Variants in NPLOC4 observed in about 807,000 individuals in gnomAD.
NPLOC4 encodes the protein nuclear protein localization protein 4 homolog.
A neutral mutation model predicts 80.6 loss-of-function variants in NPLOC4; 18 were observed. That is an observed-to-expected ratio of 0.22 (90% CI 0.15 to 0.33). The LOEUF is 0.33. Ranked by LOEUF, NPLOC4 falls within the 10% of genes least tolerant of loss-of-function variation. NPLOC4 has a pLI of 1.00. For missense variants in NPLOC4, 540 were observed against 786.1 expected, an observed-to-expected ratio of 0.69 and a Z score of 3.74; for synonymous variants, 313 against 301.5, an observed-to-expected ratio of 1.04 and a Z score of -0.39.
intron 2 of NPLOC4, among the ~76,000 whole-genome samples, chr17:81,629,487 C>G (rs1029081106): frequency 1.3e-5 from 2 of 152,120 alleles, no homozygotes; most frequent in African/African-American, 4.8e-5. Context: ...CACGCCCAGC[C>G]GTGAAATATT....
At chr17:81,622,349 G>C in intron 2 of NPLOC4, 71 bp from the exon 3 acceptor site, 1 of 1,055,110 alleles carries the variant, frequency 9.5e-7, no homozygotes, top group Non-Finnish European at 1.5e-6. Flanking sequence ...ATACACACCA[G>C]ACACTACTAG....
chr17:81,566,715 C>A (rs1183519473), intron 15 of NPLOC4: 1 of 152,336 alleles, frequency 6.6e-6, no homozygotes, highest in East Asian at 1.9e-4. Context: ...CTGTCTCCTT[C>A]AGGGAAAAGT....
chr17:81,571,985 A>C (rs2034172182), intron 13 of NPLOC4, 32 bp downstream of exon 13: 1 of 1,543,254 alleles, frequency 6.5e-7, no homozygotes, highest in Admixed American at 1.8e-5. Context: ...CAATGGGTCC[A>C]CCTGCCCAAG....
intron 4 of NPLOC4, 51 bp from the exon 5 acceptor site, chr17:81,610,309 TCCG>T: frequency 6.6e-7 from 1 of 1,519,576 alleles, no homozygotes; most frequent in Non-Finnish European, 8.9e-7. Context: ...ATGTCTGTGT[TCCG>T]CTGCTGCTGT....
intron 6 of NPLOC4, among the ~76,000 whole-genome samples, chr17:81,608,041 G>T (rs1244833507): frequency 6.6e-6 from 1 of 152,178 alleles, no homozygotes; most frequent in African/African-American, 2.4e-5. Context: ...TGGCTTAAAA[G>T]AAATCAAAAT....
rs529036016 is a variant in NPLOC4 at position 81,599,303 on chromosome 17, T to C, written c.921+1038A>G. On this transcript the variant is annotated intron_variant, in intron 9 of 16. Transcript: ENST00000331134. ...GACTCCTCAAAAAAAAAAAATAAAA[T>C]AAAATAAAAAGAGAAACTTGTGTCT... is the stretch of plus-strand genomic sequence containing the variant. Among the ~76,000 whole-genome samples the C allele has an allele frequency of 2.6e-5, 4 of 151,696 alleles. No homozygotes were observed. The South Asian group carries it at 6.3e-4, about 24-fold the overall frequency.
At chr17:81,585,948 C>T (rs1478486674) in intron 12 of NPLOC4, among the ~76,000 whole-genome samples, 1 of 152,164 alleles carries the variant, frequency 6.6e-6, no homozygotes, top group African/African-American at 2.4e-5. Context: ...GAGATCACGC[C>T]ACTGCACTCC....
chr17:81,600,000 A>G (rs896643845), intron 9 of NPLOC4, among the ~76,000 whole-genome samples: 1 of 152,160 alleles, frequency 6.6e-6, no homozygotes, highest in Non-Finnish European at 1.5e-5. Flanking sequence ...TGCACAGAGG[A>G]GCCAGCAGGG....
At chr17:81,591,505 G>A (rs1598642222) in intron 11 of NPLOC4, among the ~76,000 whole-genome samples, 1 of 135,774 alleles carries the variant, frequency 7.4e-6, no homozygotes, top group African/African-American at 2.7e-5. Flanking sequence ...TCATTAACAC[G>A]ATAGGTCATT....
At chr17:81,565,731 G>A (rs2033990992) in intron 15 of NPLOC4, 124 bp from the exon 16 acceptor site, 4 of 705,708 alleles carry the variant, frequency 5.7e-6, no homozygotes, top group Admixed American at 3.2e-5. Flanking sequence ...AAATCTTACA[G>A]GCTATCACTA....
intron 11 of NPLOC4, 60 bp from the exon 12 acceptor site, chr17:81,589,164 C>G: frequency 7.1e-7 from 1 of 1,417,056 alleles, no homozygotes; most frequent in Admixed American, 2.1e-5. Context: ...CAGTCCATAT[C>G]TGTTAACTCT....
intron 12 of NPLOC4, among the ~76,000 whole-genome samples, chr17:81,582,184 C>T (rs560423504): frequency 1.5e-4 from 23 of 152,346 alleles, no homozygotes; most frequent in African/African-American, 4.6e-4. Context: ...TGAGGCCCAG[C>T]GGTTGTCCTG....
chr17:81,636,102 A>G (rs1267239964), intron 1 of NPLOC4, among the ~76,000 whole-genome samples: 1 of 151,730 alleles, frequency 6.6e-6, no homozygotes, highest in Non-Finnish European at 1.5e-5. Flanking sequence ...CCTCCCAAGT[A>G]TCTGGGATTA....
intron 8 of NPLOC4, among the ~76,000 whole-genome samples, chr17:81,602,207 G>T (rs566183508): frequency 6.6e-6 from 1 of 152,016 alleles, no homozygotes; most frequent in Admixed American, 6.6e-5. Context: ...GCTCAGGAGC[G>T]AGACCTTGTT....
At chr17:81,598,172 A>C (rs985944671) in intron 9 of NPLOC4, among the ~76,000 whole-genome samples, 1 of 152,010 alleles carries the variant, frequency 6.6e-6, no homozygotes, top group African/African-American at 2.4e-5. Flanking sequence ...GAATGTTCTC[A>C]GTCAGAAACT....
At chr17:81,599,963 G>A (rs1456787651) in intron 9 of NPLOC4, among the ~76,000 whole-genome samples, 1 of 152,204 alleles carries the variant, frequency 6.6e-6, no homozygotes, top group Non-Finnish European at 1.5e-5. Flanking sequence ...CTACATGAAG[G>A]GAGAGCTCAG....
At position 81,569,049 on chromosome 17, in the gene NPLOC4, AG is replaced by A; in HGVS notation, c.1415del (p.Pro472LeufsTer121). ...CACCCAATACATCCCGGTTTTCAAT[AG>A]GAAATGGATTTTGCGAAATAGAAAA... ...YTFSISQNPF[P>X]IENRDVLGET... On this transcript the variant is annotated frameshift_variant, in exon 14 of 17. Transcript: ENST00000331134. LOFTEE classifies it high-confidence loss of function. 1 of 1,612,874 alleles carries A rather than the reference AG, an allele frequency of 6.2e-7. No individual in the cohort carries two copies. The highest frequency in any genetic ancestry group is 8.5e-7 in the Non-Finnish European group (1 of 1,178,806).
intron 9 of NPLOC4, among the ~76,000 whole-genome samples, chr17:81,599,859 G>A (rs139480702): frequency 5.9e-5 from 9 of 152,324 alleles, no homozygotes; most frequent in African/African-American, 2.2e-4. Flanking sequence ...ATTAAATGAT[G>A]ATTGATGACG....
intron 16 of NPLOC4, among the ~76,000 whole-genome samples, chr17:81,561,501 T>C (rs922517912): frequency 2.0e-5 from 3 of 152,258 alleles, no homozygotes; most frequent in Non-Finnish European, 4.4e-5. Flanking sequence ...AGTGTTTTTC[T>C]GTGTTCTACC....
Sources: gnomAD v4.1 joint callset for allele counts (sites outside exome capture counted in the v4.1 genomes callset) on GRCh38, gnomAD v4.1.1 for gene constraint, MANE v1.5 for transcripts, NCBI Gene and HGNC (gene_info 2026-07-23, HGNC 2026-07-21) for gene names.